The following ESRRB variants were observed in gnomAD, a reference collection of about 807,000 sequenced individuals.
ESRRB encodes estrogen related receptor beta, also known as steroid hormone receptor ERR2.
ESRRB carries 16 observed loss-of-function variants against 46.0 expected under a neutral mutation model. The observed-to-expected ratio is 0.35, with a 90% CI of 0.24 to 0.53. ESRRB has a LOEUF of 0.53. Among genes scored for constraint, ESRRB ranks in the 20% least tolerant of loss-of-function variants. The pLI is 0.93. For missense variants in ESRRB, 488 were observed against 607.4 expected, an observed-to-expected ratio of 0.80 and a Z score of 2.07; for synonymous variants, 246 against 259.6, an observed-to-expected ratio of 0.95 and a Z score of 0.50.
At chr14:76,372,458 G>A (rs1403419013), upstream of ESRRB, among the ~76,000 whole-genome samples, 1 of 152,084 alleles carries the variant, frequency 6.6e-6, no homozygotes, top group Non-Finnish European at 1.5e-5. Context: ...AAGAGTGTGT[G>A]GAGCGTGTTG....
In ESRRB at chr14:76,499,106, T is replaced by C. The variant is rs765260302; in HGVS notation, c.*648T>C. 2 of 330,304 alleles carry C rather than the reference T, an allele frequency of 6.1e-6. No homozygotes were observed. Among genetic ancestry groups the C allele is most frequent in the Non-Finnish European group, 1.2e-5 (2 of 168,458 alleles). The allele number at this position is 330,304 out of a possible 1,614,324, so 20.5% of individuals were successfully genotyped here. A position where few individuals can be genotyped will look rare whatever the true frequency, so the allele number is the denominator to read the frequency against. On this transcript the variant is annotated 3_prime_UTR_variant, in exon 7 of 7. Coordinates refer to ENST00000644823, the MANE Select transcript of ESRRB (RefSeq NM_001379180.1). ...CCCTCGGGGCCTACCCCCCTGCCTG[T>C]CACCCACCGCGCCGGTGTCCACCTG... is the stretch of plus-strand genomic sequence containing the variant.
At chr14:76,387,085 G>A (rs1424576965) in intron 1 of ESRRB, among the ~76,000 whole-genome samples, 1 of 152,166 alleles carries the variant, frequency 6.6e-6, no homozygotes, top group Non-Finnish European at 1.5e-5. Flanking sequence ...TGACCCTTGT[G>A]AGGGTCTCCC....
intron 1 of ESRRB, among the ~76,000 whole-genome samples, chr14:76,434,168 A>T (rs1887571138): frequency 1.3e-5 from 2 of 152,120 alleles, no homozygotes; most frequent in South Asian, 4.1e-4. Context: ...CATTCGAATG[A>T]ATGAACACAT....
intron 1 of ESRRB, among the ~76,000 whole-genome samples, chr14:76,351,932 C>A (rs1384683780): frequency 2.2e-5 from 3 of 138,220 alleles, no homozygotes; most frequent in Non-Finnish European, 4.6e-5. Flanking sequence ...CTGCAGGGAA[C>A]TATGATGGCA....
intron 1 of ESRRB, among the ~76,000 whole-genome samples, chr14:76,392,371 G>A (rs1255389351): frequency 6.6e-6 from 1 of 152,200 alleles, no homozygotes; most frequent in East Asian, 1.9e-4. Flanking sequence ...GGAGGGGAAG[G>A]AAGCTGCTGT....
At position 76,482,626 on chromosome 14, in the gene ESRRB, G is replaced by C; in HGVS notation, c.717G>C (p.Val239=). 6.2e-7 allele frequency: 1 copy of C among 1,614,128 alleles called. No individual in the cohort carries two copies. The highest frequency in any genetic ancestry group is 2.2e-5 in the East Asian group (1 of 44,868). The part of the protein sequence containing the change: ...PLTKIVSYLL[V]AEPDKLYAMP... ...CCAAGATTGTCTCATACCTACTGGT[G>C]GCTGAGCCGGACAAGCTCTATGCCA... The change falls in exon 5 of 7, where the codon GTG becomes GTC. Residue 239 remains valine, a synonymous_variant. Transcript: ENST00000644823. The surrounding 1 kb of genome is among the most constrained non-coding windows in gnomAD (Gnocchi z 4.3).
intron 1 of ESRRB, among the ~76,000 whole-genome samples, chr14:76,414,207 C>G (rs1269865845): frequency 1.3e-5 from 1 of 78,638 alleles, no homozygotes; most frequent in African/African-American, 5.7e-5. Context: ...AGCGTCCCCC[C>G]GCCCCTGCAT....
At chr14:76,447,225 T>A (rs8003266) in intron 2 of ESRRB, among the ~76,000 whole-genome samples, 7,823 of 151,220 alleles carry the variant, frequency 0.052, 673 homozygotes, top group African/African-American at 0.18. Context: ...TTGTCTTCCC[T>A]TGCTCATTTT....
At chr14:76,410,223 A>AAAAC (rs542047253) in intron 1 of ESRRB, among the ~76,000 whole-genome samples, 218 of 152,272 alleles carry the variant, frequency 1.4e-3, no homozygotes, top group Non-Finnish European at 2.6e-3. Context: ...GACAGGTCTC[A>AAAAC]AAACAAACAA....
intron 2 of ESRRB, among the ~76,000 whole-genome samples, chr14:76,447,102 A>G (rs948306150): frequency 2.6e-5 from 4 of 151,810 alleles, no homozygotes; most frequent in African/African-American, 9.7e-5. Context: ...ATTTCTTGCA[A>G]CTCACTCACT....
At chr14:76,371,311 C>T (rs76805545), upstream of ESRRB, 2,419 of 152,396 alleles carry the variant, frequency 0.016, 29 homozygotes, top group Non-Finnish European at 0.024. Context: ...TATAACTCCA[C>T]ACCCCCAAAT....
intron 2 of ESRRB, among the ~76,000 whole-genome samples, chr14:76,457,692 ATT>A (rs1368273655): frequency 4.6e-5 from 7 of 151,960 alleles, no homozygotes; most frequent in Admixed American, 4.6e-4. Context: ...TTATGTATTT[ATT>A]TTTGAGACGG....
intron 2 of ESRRB, among the ~76,000 whole-genome samples, chr14:76,441,218 C>G (rs919503254): frequency 3.3e-5 from 5 of 152,174 alleles, no homozygotes; most frequent in African/African-American, 1.2e-4. Context: ...CACCCATAAG[C>G]TTTTTATCAA....
intron 2 of ESRRB, among the ~76,000 whole-genome samples, chr14:76,456,391 GA>G (rs1163964385): frequency 6.6e-6 from 1 of 152,166 alleles, no homozygotes; most frequent in African/African-American, 2.4e-5. Context: ...GTTATTAACT[GA>G]CCTCCAGGGG....
chr14:76,439,810 G>A, intron 2 of ESRRB, 60 bp downstream of exon 2: 1 of 1,578,300 alleles, frequency 6.3e-7, no homozygotes, highest in Non-Finnish European at 8.7e-7. Flanking sequence ...CGTGCCTGCG[G>A]GTCTGGCAGA....
At chr14:76,452,632 C>CAAAAAAAA (rs1555399039) in intron 2 of ESRRB, among the ~76,000 whole-genome samples, 2 of 57,088 alleles carry the variant, frequency 3.5e-5, no homozygotes, top group African/African-American at 1.0e-4. Flanking sequence ...AAAAAAAAAA[C>CAAAAAAAA]AAAACAAAAA....
chr14:76,354,233 C>CCG (rs1288303105), intron 1 of ESRRB, among the ~76,000 whole-genome samples: 2 of 102,462 alleles, frequency 2.0e-5, no homozygotes, highest in African/African-American at 4.5e-5. Context: ...CGCCCCCCCC[C>CCG]CCACCCACAC....
rs539073951 is a variant in ESRRB, at chr14:76,432,858, A to G, written c.51-6483A>G. ...CCCAGCTAATTTTTGTATTTGTAGT[A>G]GAGATGGGTTTTTGCCATGTTGACC... On this transcript the variant is annotated intron_variant, in intron 1 of 6. Coordinates refer to ENST00000644823, the MANE Select transcript of ESRRB (RefSeq NM_001379180.1). 4.4e-4 allele frequency among the ~76,000 whole-genome samples: 67 copies of G among 152,028 alleles called. 1 individual carries two copies. The highest frequency in any genetic ancestry group is 1.5e-3 in the African/African-American group (64 of 41,450).
At chr14:76,339,244 A>G (rs1175521301) in intron 1 of ESRRB, among the ~76,000 whole-genome samples, 1 of 152,158 alleles carries the variant, frequency 6.6e-6, no homozygotes, top group Non-Finnish European at 1.5e-5. Flanking sequence ...ACTCCACTTG[A>G]AATCGTCAGG....
Sources: allele counts gnomAD v4.1 joint callset (sites outside exome capture counted in the v4.1 genomes callset), GRCh38; gene constraint gnomAD v4.1.1; non-coding constraint Gnocchi (gnomAD v3.1); transcripts MANE v1.5; gene names NCBI Gene and HGNC (gene_info 2026-07-23, HGNC 2026-07-21).